Variants in ARFGEF1 observed in about 807,000 individuals in gnomAD.
ARFGEF1 encodes the protein ARF guanine nucleotide exchange factor 1.
ARFGEF1 carries 42 observed loss-of-function variants against 231.0 expected under a neutral mutation model. That is an observed-to-expected ratio of 0.18 (90% confidence interval 0.14 to 0.24). The LOEUF (loss-of-function observed/expected upper bound fraction) is 0.24. Among genes scored for constraint, ARFGEF1 ranks in the 10% least tolerant of loss-of-function variants. ARFGEF1 has a pLI of 1.00. For missense variants in ARFGEF1, 1,345 were observed against 2,192.0 expected (o/e 0.61, Z 7.72); for synonymous variants, 710 against 732.3 (o/e 0.97, Z 0.49).
At chr8:67,279,935 G>A (rs887039568) in intron 7 of ARFGEF1, among the ~76,000 whole-genome samples, 2 of 151,980 alleles carry the variant, frequency 1.3e-5, no homozygotes, top group Non-Finnish European at 2.9e-5. Context: ...TACTTTCAAG[G>A]TGGTGAATTG....
At chr8:67,188,036 G>C (rs1835158799) in intron 5 of ARFGEF1, among the ~76,000 whole-genome samples, 1 of 152,158 alleles carries the variant, frequency 6.6e-6, no homozygotes, top group Admixed American at 6.5e-5. Context: ...GCCGGACTTT[G>C]TAAAAATTTA....
rs896589180 is a variant in ARFGEF1 at position 67,270,735 on chromosome 8, C to A, written c.1572+967G>T. Among the ~76,000 whole-genome samples the A allele has an allele frequency of 5.2e-3, 624 of 120,232 alleles. 3 individuals carry two copies. Among genetic ancestry groups the A allele is most frequent in the African/African-American group, 0.014 (457 of 32,080 alleles). 78.9% of individuals were successfully genotyped at this position (120,232 alleles called of 152,430 possible). On this transcript the variant is annotated intron_variant, in intron 10 of 38. Coordinates refer to ENST00000262215, the MANE Select transcript of ARFGEF1 (RefSeq NM_006421.5). ...ACCTTAAAAAAAAAAAAAAAAAAAA[C>A]CACATAAAGCTGGGCGCAGTGGCTC... is the stretch of plus-strand genomic sequence containing the variant.
At chr8:67,283,241 T>C (rs115620387) in intron 7 of ARFGEF1, among the ~76,000 whole-genome samples, 2,477 of 152,316 alleles carry the variant, frequency 0.016, 71 homozygotes, top group African/African-American at 0.057. Context: ...CTATTCCTTC[T>C]TTATAATTTA....
rs372291665 is a variant in ARFGEF1 at position 67,201,504 on chromosome 8, C to A, written c.5230G>T (p.Val1744Phe). 6.2e-7 allele frequency: 1 copy of A among 1,611,994 alleles called. No homozygotes were observed. The highest frequency in any genetic ancestry group is 8.5e-7 in the Non-Finnish European group (1 of 1,179,270). ...LFRMYMDESR[V>F]SAWEEVQQRL... ...TGCTGGACCTCCTCCCAGGCACTAA[C>A]GCGGCTCTCATCCATGTACATCCGG... The change falls in exon 37 of 39, where the codon GTT becomes TTT. Residue 1744 changes from valine (V) to phenylalanine (F), a missense_variant. By Grantham distance (50) the Val-to-Phe change is conservative (BLOSUM62 -1). Transcript: ENST00000262215.
chr8:67,241,041 G>C (rs1839911503), intron 19 of ARFGEF1, among the ~76,000 whole-genome samples: 1 of 152,022 alleles, frequency 6.6e-6, no homozygotes, highest in Non-Finnish European at 1.5e-5. Context: ...AAACTATATA[G>C]CCATATAGCC....
At chr8:67,257,609 T>C (rs1201725544) in intron 17 of ARFGEF1, 123 bp downstream of exon 17, 6 of 757,424 alleles carry the variant, frequency 7.9e-6, no homozygotes, top group Admixed American at 3.1e-5. Flanking sequence ...CCAAATTAAA[T>C]ACCCAAATAT....
intron 14 of ARFGEF1, 82 bp from the exon 15 acceptor site, chr8:67,260,008 T>C: frequency 1.2e-6 from 1 of 821,492 alleles, no homozygotes; most frequent in East Asian, 2.6e-5. Flanking sequence ...GTAAATTTTC[T>C]AATAGCACCC....
intron 36 of ARFGEF1, among the ~76,000 whole-genome samples, chr8:67,202,863 T>C (rs1838382066): frequency 6.6e-6 from 1 of 152,084 alleles, no homozygotes; most frequent in Non-Finnish European, 1.5e-5. Flanking sequence ...GTAAGTCAAA[T>C]AATAGACCAA....
At chr8:67,201,643 G>C (rs1838331870) in intron 36 of ARFGEF1, 38 bp from the exon 37 acceptor site, 3 of 1,611,452 alleles carry the variant, frequency 1.9e-6, no homozygotes, top group Non-Finnish European at 2.5e-6. Flanking sequence ...AGTTTGGGAA[G>C]GCATCTTATG....
At chr8:67,338,477 G>A (rs1485931350) in intron 1 of ARFGEF1, among the ~76,000 whole-genome samples, 1 of 152,168 alleles carries the variant, frequency 6.6e-6, no homozygotes, top group Admixed American at 6.5e-5. Flanking sequence ...TGTCTTTCTT[G>A]GAGGACTTTT....
At chr8:67,321,478 T>C (rs972151609) in intron 1 of ARFGEF1, among the ~76,000 whole-genome samples, 1 of 152,146 alleles carries the variant, frequency 6.6e-6, no homozygotes, top group Non-Finnish European at 1.5e-5. Context: ...TTTTTGTTTT[T>C]GAGATGGAGT....
chr8:67,267,016 T>A (rs1470034987), intron 12 of ARFGEF1, 32 bp from the exon 13 acceptor site: 16 of 1,609,562 alleles, frequency 9.9e-6, no homozygotes, highest in Non-Finnish European at 1.4e-5. Flanking sequence ...AAATTTTTTT[T>A]AAAGGTCTTT....
intron 5 of ARFGEF1, among the ~76,000 whole-genome samples, chr8:67,189,818 T>G (rs777868830): frequency 6.6e-6 from 1 of 152,224 alleles, no homozygotes; most frequent in African/African-American, 2.4e-5. Context: ...TAAGTATTTG[T>G]ATTATTCTAA....
chr8:67,232,730 C>T lies in ARFGEF1; in HGVS notation c.3380+125G>A, dbSNP rs1839595542. On this transcript the variant is annotated intron_variant, in intron 23 of 38. Coordinates refer to ENST00000262215, the MANE Select transcript of ARFGEF1 (RefSeq NM_006421.5). ...TCATCATCTAAATCACAGCATATCA[C>T]AATATAATTTTATATTACTTTAGAA... is the stretch of plus-strand genomic sequence containing the variant. The T allele has an allele frequency of 8.2e-6, 6 of 735,050 alleles. No individual in the cohort carries two copies. The East Asian group carries it at 1.7e-4, about 21-fold the overall frequency. 45.5% of individuals were successfully genotyped at this position (735,050 alleles called of 1,614,324 possible). A position where few individuals can be genotyped will look rare whatever the true frequency, so the allele number is the denominator to read the frequency against.
intron 10 of ARFGEF1, among the ~76,000 whole-genome samples, chr8:67,271,045 G>GAAAAAAAAAAAAAAAAAAAAAAA (rs1563878469): frequency 1.4e-5 from 1 of 69,716 alleles, no homozygotes; most frequent in Non-Finnish European, 2.7e-5. Flanking sequence ...AAAAAAAAAG[G>GAAAAAAAAAAAAAAAAAAAAAAA]AAAAAGAAAA....
chr8:67,251,162 C>A, intron 19 of ARFGEF1, 137 bp downstream of exon 19: 1 of 788,300 alleles, frequency 1.3e-6, no homozygotes, highest in Non-Finnish European at 1.8e-6. Context: ...TCCTAAATAA[C>A]ATGTTATATG....
intron 3 of ARFGEF1, 21 bp from the exon 4 acceptor site, chr8:67,299,376 A>C (rs778855379): frequency 1.9e-6 from 3 of 1,597,704 alleles, no homozygotes; most frequent in Non-Finnish European, 2.6e-6. Context: ...GAAAGAAAAC[A>C]AAGATCCTAA....
At chr8:67,318,879 A>G (rs1807449039) in intron 1 of ARFGEF1, among the ~76,000 whole-genome samples, 1 of 152,222 alleles carries the variant, frequency 6.6e-6, no homozygotes, top group Admixed American at 6.5e-5. Context: ...AGGCCAAGGC[A>G]GGAGGATCAC....
intron 1 of ARFGEF1, among the ~76,000 whole-genome samples, chr8:67,307,918 C>T (rs1203445312): frequency 6.6e-6 from 1 of 152,172 alleles, no homozygotes; most frequent in Non-Finnish European, 1.5e-5. Context: ...GTCAGAAAGG[C>T]CAAGCAGCTC....
Sources: gnomAD v4.1 joint callset for allele counts (sites outside exome capture counted in the v4.1 genomes callset) on GRCh38, gnomAD v4.1.1 for gene constraint, MANE v1.5 for transcripts, NCBI Gene and HGNC (gene_info 2026-07-23, HGNC 2026-07-21) for gene names.